XIRP2: variants seen among roughly 807,000 people sequenced by gnomAD.
XIRP2 encodes xin actin binding repeat containing 2, also known as xin actin-binding repeat-containing protein 2.
In XIRP2, 236 loss-of-function variants were observed where a neutral mutation model predicts 277.0. The observed-to-expected ratio is 0.85, with a 90% confidence interval of 0.77 to 0.95. The LOEUF (loss-of-function observed/expected upper bound fraction) is 0.95, where lower values mean the gene tolerates loss of function less well. Among genes scored for constraint, XIRP2 ranks in the 40% least tolerant of loss-of-function variants. The probability of loss-of-function intolerance (pLI) is 0.00; values close to 1 mark genes in which losing one functional copy is unlikely to be tolerated. For missense variants in XIRP2, 4,640 were observed against 4,157.5 expected, an observed-to-expected ratio of 1.12 and a Z score of -3.19; for synonymous variants, 1,490 against 1,416.5, an observed-to-expected ratio of 1.05 and a Z score of -1.17.
intron 2 of XIRP2, among the ~76,000 whole-genome samples, chr2:166,912,069 T>C (rs968972077): frequency 6.6e-6 from 1 of 152,226 alleles, no homozygotes; most frequent in African/African-American, 2.4e-5. Context: ...CTTTGGTGAA[T>C]CTGACAATTA....
chr2:167,117,117 A>C (rs767592244), intron 2 of XIRP2, among the ~76,000 whole-genome samples: 28 of 152,302 alleles, frequency 1.8e-4, no homozygotes, highest in Admixed American at 1.0e-3. Flanking sequence ...AAGAGGCATA[A>C]AATTTATTAC....
chr2:167,026,823 G>T (rs955140145), intron 2 of XIRP2, among the ~76,000 whole-genome samples: 3 of 152,084 alleles, frequency 2.0e-5, no homozygotes, highest in Non-Finnish European at 4.4e-5. Context: ...CTTTAAGAAT[G>T]TTGAATGTTG....
chr2:167,069,007 G>A (rs551563849), intron 2 of XIRP2, among the ~76,000 whole-genome samples: 1 of 152,256 alleles, frequency 6.6e-6, no homozygotes, highest in Non-Finnish European at 1.5e-5. Context: ...CTAGTTGGCA[G>A]TTATAGTTGT....
At chr2:167,160,216 T>C (rs925795247) in intron 3 of XIRP2, among the ~76,000 whole-genome samples, 11 of 152,200 alleles carry the variant, frequency 7.2e-5, no homozygotes, top group Non-Finnish European at 1.5e-4. Flanking sequence ...ATAAATCTAA[T>C]ATGTGATTTT....
At chr2:167,135,040 G>C (rs78718827) in intron 2 of XIRP2, among the ~76,000 whole-genome samples, 12,995 of 152,176 alleles carry the variant, frequency 0.085, 625 homozygotes, top group African/African-American at 0.12. Flanking sequence ...CAGTTACAGG[G>C]AAGACTACTG....
intron 2 of XIRP2, among the ~76,000 whole-genome samples, chr2:166,915,516 G>A (rs916455752): frequency 1.3e-5 from 2 of 152,064 alleles, no homozygotes; most frequent in East Asian, 1.9e-4. Flanking sequence ...AACAGAACAG[G>A]AAGGTGAAAG....
intron 2 of XIRP2, among the ~76,000 whole-genome samples, chr2:166,948,371 C>A (rs1433040945): frequency 6.6e-6 from 1 of 151,988 alleles, no homozygotes; most frequent in Non-Finnish European, 1.5e-5. Flanking sequence ...CCTAAAACTT[C>A]TCTCTAAAAA....
intron 4 of XIRP2, among the ~76,000 whole-genome samples, chr2:167,212,528 T>C (rs1279227706): frequency 6.6e-6 from 1 of 152,238 alleles, no homozygotes; most frequent in Non-Finnish European, 1.5e-5. Context: ...ACTTTAGGGC[T>C]AATCTCAAAA....
intron 5 of XIRP2, among the ~76,000 whole-genome samples, chr2:167,231,075 T>C (rs1694733972): frequency 6.6e-6 from 1 of 152,106 alleles, no homozygotes; most frequent in South Asian, 2.1e-4. Flanking sequence ...ACACAAGTTA[T>C]CATTTTTTGT....
At chr2:167,206,809 C>T (rs934147793) in intron 3 of XIRP2, among the ~76,000 whole-genome samples, 1 of 152,086 alleles carries the variant, frequency 6.6e-6, no homozygotes, top group Non-Finnish European at 1.5e-5. Context: ...TCCGCAACTA[C>T]AATTTAAGAA....
At chr2:167,130,506 A>T (rs1236226107) in intron 2 of XIRP2, among the ~76,000 whole-genome samples, 1 of 151,358 alleles carries the variant, frequency 6.6e-6, no homozygotes, top group Non-Finnish European at 1.5e-5. Flanking sequence ...AAGTTACCCT[A>T]CTCCCTACAA....
chr2:167,072,050 T>C (rs1379409454), intron 2 of XIRP2, among the ~76,000 whole-genome samples: 1 of 152,132 alleles, frequency 6.6e-6, no homozygotes, highest in African/African-American at 2.4e-5. Context: ...GTGTTAAAAA[T>C]AATGATCATT....
At chr2:167,134,939 T>C (rs1691500599) in intron 2 of XIRP2, among the ~76,000 whole-genome samples, 1 of 152,138 alleles carries the variant, frequency 6.6e-6, no homozygotes, top group South Asian at 2.1e-4. Context: ...CAGATCAGCA[T>C]GCAATTTAAA....
At chr2:167,039,228 T>G (rs1490505355) in intron 2 of XIRP2, among the ~76,000 whole-genome samples, 1 of 152,120 alleles carries the variant, frequency 6.6e-6, no homozygotes, top group African/African-American at 2.4e-5. Context: ...ACCTTACTCT[T>G]AAATTGTGAA....
intron 2 of XIRP2, among the ~76,000 whole-genome samples, chr2:167,012,598 G>A (rs1413427982): frequency 2.0e-5 from 3 of 151,572 alleles, no homozygotes; most frequent in Non-Finnish European, 4.4e-5. Context: ...TTATGACATA[G>A]TAGGCCATAT....
chr2:166,955,573 T>C (rs992909067), intron 2 of XIRP2, among the ~76,000 whole-genome samples: 4 of 151,874 alleles, frequency 2.6e-5, no homozygotes, highest in Non-Finnish European at 4.4e-5. Context: ...TTATATGTTT[T>C]ATAAAATATA....
rs999234997 is a variant in XIRP2, at chr2:166,941,946, A to T, written c.408+38056A>T. On this transcript the variant is annotated intron_variant, in intron 2 of 10. Transcript: ENST00000409195. ...AGTTACAATAAAGAAACAGCAATAT[A>T]ACGTATTTATCTGGTTCTGCTCTCC... 3.3e-5 allele frequency among the ~76,000 whole-genome samples: 5 copies of T among 152,334 alleles called. No individual in the cohort carries two copies. The Middle Eastern group carries it at 0.01, about 311-fold the overall frequency.
chr2:167,234,902 G>A (rs897393153), intron 5 of XIRP2, among the ~76,000 whole-genome samples: 1 of 151,824 alleles, frequency 6.6e-6, no homozygotes, highest in Non-Finnish European at 1.5e-5. Flanking sequence ...TCCCACTACA[G>A]TTTCTATATG....
At chr2:167,179,323 G>GTTTTTTTTTTT (rs374760800) in intron 3 of XIRP2, among the ~76,000 whole-genome samples, 1 of 120,504 alleles carries the variant, frequency 8.3e-6, no homozygotes, top group Non-Finnish European at 1.8e-5. Flanking sequence ...TTTTTTTCTT[G>GTTTTTTTTTTT]TTTTTTTTTT....
Sources: gnomAD v4.1 joint callset for allele counts (sites outside exome capture counted in the v4.1 genomes callset) on GRCh38, gnomAD v4.1.1 for gene constraint, MANE v1.5 for transcripts, NCBI Gene and HGNC (gene_info 2026-07-23, HGNC 2026-07-21) for gene names.